PPARGC1A: variants seen among roughly 807,000 people sequenced by gnomAD.
PPARGC1A encodes PPARG coactivator 1 alpha.
Under a neutral mutation model 88.7 loss-of-function variants are expected in PPARGC1A, and 25 were observed. That is an observed-to-expected ratio of 0.28 (90% CI 0.21 to 0.39). The LOEUF is 0.39. Ranked by LOEUF, PPARGC1A falls within the 10% of genes least tolerant of loss-of-function variation. PPARGC1A has a pLI of 1.00. For synonymous variants in PPARGC1A, 363 were observed against 355.6 expected (o/e 1.02, Z -0.24); for missense variants, 880 against 968.7 (o/e 0.91, Z 1.22).
the PPARGC1A span, among the ~76,000 whole-genome samples, chr4:23,970,656 T>A: frequency 6.6e-6 from 1 of 152,202 alleles, no homozygotes; most frequent in Non-Finnish European, 1.5e-5. Context: ...CTATGTTCTT[T>A]GCCTTGATCA....
At chr4:24,230,357 G>A in the PPARGC1A span, among the ~76,000 whole-genome samples, 1 of 152,162 alleles carries the variant, frequency 6.6e-6, no homozygotes, top group Non-Finnish European at 1.5e-5. Context: ...TCCTTCTGAG[G>A]AAGGTGTGAG....
the PPARGC1A span, among the ~76,000 whole-genome samples, chr4:24,114,577 A>G: frequency 6.6e-6 from 1 of 152,214 alleles, no homozygotes; most frequent in African/African-American, 2.4e-5. Context: ...TTTCATTCCC[A>G]TTTGCCTCAA....
chr4:24,059,107 T>C, the PPARGC1A span, among the ~76,000 whole-genome samples: 1 of 152,168 alleles, frequency 6.6e-6, no homozygotes. Context: ...CCGTGTTTAT[T>C]TCGACCAAGC....
the PPARGC1A span, among the ~76,000 whole-genome samples, chr4:24,358,839 G>A: frequency 3.9e-5 from 6 of 152,340 alleles, no homozygotes; most frequent in African/African-American, 9.6e-5. Context: ...AACCCTGAGC[G>A]TGGCATGGCC....
chr4:23,797,419 T>C (rs1039792041), intron 12 of PPARGC1A, among the ~76,000 whole-genome samples: 3 of 152,126 alleles, frequency 2.0e-5, no homozygotes, highest in Non-Finnish European at 4.4e-5. Context: ...CCACTTGCAT[T>C]GTAGATCAAG....
intron 12 of PPARGC1A, among the ~76,000 whole-genome samples, chr4:23,798,905 G>A (rs548044667): frequency 3.9e-5 from 6 of 152,178 alleles, no homozygotes; most frequent in Non-Finnish European, 5.9e-5. Flanking sequence ...AGCTGAAATC[G>A]TTATGTTTTG....
the PPARGC1A span, among the ~76,000 whole-genome samples, chr4:24,422,212 CAT>C: frequency 1.3e-5 from 2 of 152,228 alleles, no homozygotes; most frequent in African/African-American, 4.8e-5. Context: ...AGCAGAGTCA[CAT>C]AGTTGCAATA....
At chr4:24,143,066 A>G in the PPARGC1A span, among the ~76,000 whole-genome samples, 1 of 152,206 alleles carries the variant, frequency 6.6e-6, no homozygotes, top group African/African-American at 2.4e-5. Flanking sequence ...CAGTGAAACT[A>G]TACCAATTGA....
chr4:24,074,081 G>T, the PPARGC1A span, among the ~76,000 whole-genome samples: 1 of 152,136 alleles, frequency 6.6e-6, no homozygotes, highest in African/African-American at 2.4e-5. Flanking sequence ...GCAAATGCAG[G>T]AAAGGGAGGA....
rs28507249 is a variant in PPARGC1A, at chr4:23,828,793, A to G, written c.553-189T>C. Among the ~76,000 whole-genome samples the G allele has an allele frequency of 4.8e-3, 735 of 152,322 alleles. 5 individuals carry two copies. Among genetic ancestry groups the G allele is most frequent in the African/African-American group, 0.016 (675 of 41,576 alleles). On this transcript the variant is annotated intron_variant, in intron 4 of 12. Coordinates refer to ENST00000264867, the MANE Select transcript of PPARGC1A (RefSeq NM_013261.5). ...CATTTAAAATTCCTAAATGACATTT[A>G]TGCAGCTTTTTATTTTATTTCTCCT...
chr4:24,289,369 G>A, the PPARGC1A span, among the ~76,000 whole-genome samples: 1 of 152,124 alleles, frequency 6.6e-6, no homozygotes, highest in Non-Finnish European at 1.5e-5. Flanking sequence ...ACTCTCAGGG[G>A]AGAGCTGAAC....
At chr4:23,857,778 T>G (rs1730468569) in intron 2 of PPARGC1A, among the ~76,000 whole-genome samples, 3 of 151,750 alleles carry the variant, frequency 2.0e-5, no homozygotes, top group African/African-American at 7.3e-5. Flanking sequence ...TAGCACAGAA[T>G]AGGGAAAACC....
chr4:24,411,007 T>C, the PPARGC1A span, among the ~76,000 whole-genome samples: 4 of 152,216 alleles, frequency 2.6e-5, no homozygotes, highest in Non-Finnish European at 4.4e-5. Context: ...CTCCCTCTCA[T>C]ATATACATCT....
chr4:24,399,580 T>G, the PPARGC1A span, among the ~76,000 whole-genome samples: 1 of 152,152 alleles, frequency 6.6e-6, no homozygotes, highest in East Asian at 1.9e-4. Context: ...AGTCAAGAAC[T>G]TCCACAGGTG....
chr4:24,117,477 TTTTC>T, the PPARGC1A span, among the ~76,000 whole-genome samples: 2 of 151,816 alleles, frequency 1.3e-5, no homozygotes, highest in African/African-American at 4.8e-5. Flanking sequence ...TCTGCCCTTT[TTTTC>T]TTTATTTTCA....
chr4:24,020,307 G>A, the PPARGC1A span, among the ~76,000 whole-genome samples: 1 of 152,182 alleles, frequency 6.6e-6, no homozygotes, highest in Admixed American at 6.5e-5. Context: ...TTGGAAGAAA[G>A]GCTCAATACG....
At chr4:24,197,354 A>C in the PPARGC1A span, among the ~76,000 whole-genome samples, 1 of 152,204 alleles carries the variant, frequency 6.6e-6, no homozygotes, top group African/African-American at 2.4e-5. Context: ...AATTTAATAC[A>C]CACAGAGCAA....
chr4:24,043,318 T>C, the PPARGC1A span, among the ~76,000 whole-genome samples: 144,511 of 152,278 alleles, frequency 0.95, 68,643 homozygotes, highest in African/African-American at 0.98. Flanking sequence ...CCCTTCCAAC[T>C]CAACTTGTTC....
the PPARGC1A span, among the ~76,000 whole-genome samples, chr4:24,093,253 C>G: frequency 6.6e-6 from 1 of 152,248 alleles, no homozygotes; most frequent in East Asian, 1.9e-4. Context: ...CTGATGCAGT[C>G]TCAGATCCCA....
Sources: allele counts gnomAD v4.1 joint callset (sites outside exome capture counted in the v4.1 genomes callset), GRCh38; gene constraint gnomAD v4.1.1; transcripts MANE v1.5; gene names NCBI Gene and HGNC (gene_info 2026-07-23, HGNC 2026-07-21).